Variants in SDK1 observed in about 807,000 individuals in gnomAD.
SDK1 encodes sidekick cell adhesion molecule 1, also known as protein sidekick-1.
In SDK1, 157 loss-of-function variants were observed where a neutral mutation model predicts 245.5. That is an observed-to-expected ratio of 0.64 (90% CI 0.56 to 0.73). The LOEUF (loss-of-function observed/expected upper bound fraction) is 0.73. SDK1 is among the 30% of genes least tolerant of loss of function. SDK1 has a pLI of 0.00. For synonymous variants in SDK1, 1,647 were observed against 1,278.5 expected (o/e 1.29, Z -6.15); for missense variants, 3,583 against 3,002.3 (o/e 1.19, Z -4.52).
intron 12 of SDK1, 50 bp from the exon 13 acceptor site, chr7:3,974,319 A>C: frequency 6.5e-7 from 1 of 1,534,584 alleles, no homozygotes; most frequent in South Asian, 1.2e-5. Flanking sequence ...AGGAGCAGTG[A>C]TTCTGTCACT....
At chr7:3,776,947 T>A (rs905767527) in intron 4 of SDK1, among the ~76,000 whole-genome samples, 1 of 152,194 alleles carries the variant, frequency 6.6e-6, no homozygotes, top group Non-Finnish European at 1.5e-5. Context: ...CCACACGGAC[T>A]GTGATCCAGG....
intron 1 of SDK1, among the ~76,000 whole-genome samples, chr7:3,356,768 C>G (rs190126418): frequency 1.3e-5 from 2 of 151,968 alleles, no homozygotes; most frequent in Non-Finnish European, 2.9e-5. Flanking sequence ...AAAAATACAT[C>G]TTTCTGAGGC....
At chr7:3,386,137 T>TA (rs376710113) in intron 1 of SDK1, among the ~76,000 whole-genome samples, 1 of 152,088 alleles carries the variant, frequency 6.6e-6, no homozygotes, top group Non-Finnish European at 1.5e-5. Flanking sequence ...TTGATAACTT[T>TA]AAAAAAAATT....
chr7:3,477,104 A>C (rs1259683374), intron 1 of SDK1, among the ~76,000 whole-genome samples: 1 of 151,956 alleles, frequency 6.6e-6, no homozygotes, highest in Non-Finnish European at 1.5e-5. Flanking sequence ...GAGCCATTAA[A>C]GTACTTCCTT....
chr7:3,934,292 T>A (rs1192258236), intron 5 of SDK1, among the ~76,000 whole-genome samples: 1 of 152,256 alleles, frequency 6.6e-6, no homozygotes, highest in African/African-American at 2.4e-5. Flanking sequence ...TTCTCTCCTG[T>A]GTTCAAACCA....
At chr7:3,444,631 C>G (rs1780293376) in intron 1 of SDK1, among the ~76,000 whole-genome samples, 2 of 152,204 alleles carry the variant, frequency 1.3e-5, no homozygotes, top group Non-Finnish European at 2.9e-5. Context: ...GGCCCCACCT[C>G]TCTGTCCCCT....
chr7:3,504,320 C>T (rs1200256482), intron 1 of SDK1, among the ~76,000 whole-genome samples: 4 of 151,106 alleles, frequency 2.6e-5, no homozygotes, highest in African/African-American at 7.3e-5. Flanking sequence ...GATCTTAAAA[C>T]CACACAGTGA....
intron 36 of SDK1, 108 bp from the exon 37 acceptor site, chr7:4,207,991 T>G (rs958524100): frequency 1.3e-6 from 1 of 798,732 alleles, no homozygotes; most frequent in African/African-American, 1.7e-5. Context: ...CCAGCACAGC[T>G]CGCCCCAGAA....
chr7:3,450,459 G>C (rs1780477239), intron 1 of SDK1, among the ~76,000 whole-genome samples: 1 of 152,164 alleles, frequency 6.6e-6, no homozygotes, highest in South Asian at 2.1e-4. Flanking sequence ...GTTTGAGAGA[G>C]ATTTTAAGAA....
chr7:3,502,963 T>C (rs1293783500), intron 1 of SDK1, among the ~76,000 whole-genome samples: 6 of 152,358 alleles, frequency 3.9e-5, no homozygotes, highest in Admixed American at 3.3e-4. Flanking sequence ...ATGAACTGTT[T>C]GTAAAATATT....
At chr7:3,833,867 G>C (rs887527271) in intron 5 of SDK1, among the ~76,000 whole-genome samples, 5 of 152,144 alleles carry the variant, frequency 3.3e-5, no homozygotes, top group Non-Finnish European at 7.3e-5. Flanking sequence ...CCCTAGCCTG[G>C]CATTAGATGA....
At chr7:3,940,929 T>C (rs892306205) in intron 5 of SDK1, among the ~76,000 whole-genome samples, 2 of 151,988 alleles carry the variant, frequency 1.3e-5, no homozygotes, top group African/African-American at 4.8e-5. Flanking sequence ...TCTCCTACTT[T>C]CAATCACCGC....
At chr7:3,630,029 C>T (rs182477430) in intron 2 of SDK1, among the ~76,000 whole-genome samples, 3 of 152,066 alleles carry the variant, frequency 2.0e-5, no homozygotes, top group East Asian at 1.9e-4. Flanking sequence ...GGAAACTAGA[C>T]ATCACAGAAG....
intron 17 of SDK1, among the ~76,000 whole-genome samples, chr7:4,022,412 A>G (rs1235625603): frequency 6.6e-6 from 1 of 152,164 alleles, no homozygotes; most frequent in African/African-American, 2.4e-5. Context: ...GCTCCTCCTG[A>G]GAAAGTATCC....
intron 1 of SDK1, among the ~76,000 whole-genome samples, chr7:3,374,060 CA>C (rs1432771510): frequency 6.6e-6 from 1 of 152,108 alleles, no homozygotes. Flanking sequence ...CATCTCAGTC[CA>C]AATTGTGGAT....
At chr7:3,457,587 C>T (rs189748789) in intron 1 of SDK1, among the ~76,000 whole-genome samples, 65 of 152,250 alleles carry the variant, frequency 4.3e-4, no homozygotes, top group African/African-American at 1.5e-3. Context: ...TGGTTGGATT[C>T]TATGTATTTA....
At chr7:3,435,872 C>G (rs1303356619) in intron 1 of SDK1, among the ~76,000 whole-genome samples, 1 of 152,194 alleles carries the variant, frequency 6.6e-6, no homozygotes, top group Non-Finnish European at 1.5e-5. Context: ...GCCCTAACCT[C>G]TCCAGTGATC....
chr7:3,393,132 G>C (rs1036105901), intron 1 of SDK1, among the ~76,000 whole-genome samples: 5 of 151,766 alleles, frequency 3.3e-5, no homozygotes, highest in African/African-American at 1.2e-4. Context: ...CACCACGCCT[G>C]GCTAATTTTT....
chr7:3,510,736 G>A (rs4291167), intron 1 of SDK1, among the ~76,000 whole-genome samples: 34,408 of 151,844 alleles, frequency 0.23, 4,260 homozygotes, highest in East Asian at 0.33. Flanking sequence ...GATGATAGAT[G>A]TTTCTTTTCA....
Sources: allele counts gnomAD v4.1 joint callset (sites outside exome capture counted in the v4.1 genomes callset), GRCh38; gene constraint gnomAD v4.1.1; transcripts MANE v1.5; gene names NCBI Gene and HGNC (gene_info 2026-07-23, HGNC 2026-07-21).